The following DYTN variants were observed in gnomAD, a reference collection of about 807,000 sequenced individuals.
The protein encoded by DYTN is dystrotelin.
DYTN carries 75 observed loss-of-function variants against 69.6 expected under a neutral mutation model. The ratio of observed to expected loss-of-function variants is 1.08; its 90% CI spans 0.89 to 1.31. The LOEUF (loss-of-function observed/expected upper bound fraction) is 1.31. Among genes scored for constraint, DYTN ranks in the 50% most tolerant of loss-of-function variants. DYTN has a pLI of 0.00. For missense variants in DYTN, 726 were observed against 688.4 expected (o/e 1.05, Z -0.61); for synonymous variants, 252 against 249.1 (o/e 1.01, Z -0.11).
chr2:206,705,131 CT>C (rs1700012835), intron 4 of DYTN, 188 bp from the exon 5 acceptor site: 1 of 586,792 alleles, frequency 1.7e-6, no homozygotes, highest in Non-Finnish European at 3.0e-6. Context: ...GGTTTTGTTC[CT>C]GTTCCCCAGG....
At chr2:206,685,723 G>A (rs13399922) in intron 9 of DYTN, among the ~76,000 whole-genome samples, 13,178 of 151,938 alleles carry the variant, frequency 0.087, 1,890 homozygotes, top group African/African-American at 0.3. Context: ...CCCTGGGCAC[G>A]GGGCTCCTGC....
chr2:206,690,543 A>C (rs1392661539), intron 9 of DYTN, among the ~76,000 whole-genome samples: 1 of 152,218 alleles, frequency 6.6e-6, no homozygotes, highest in Non-Finnish European at 1.5e-5. Context: ...TTAGGAGGTC[A>C]TGTGACAATG....
chr2:206,680,015 C>T (rs9989912), intron 9 of DYTN, among the ~76,000 whole-genome samples: 13,198 of 152,196 alleles, frequency 0.087, 1,917 homozygotes, highest in African/African-American at 0.3. Context: ...GGCTGAAAGT[C>T]TGAGATCAGA....
chr2:206,698,020 G>A (rs1011208919), intron 7 of DYTN, among the ~76,000 whole-genome samples: 11 of 152,158 alleles, frequency 7.2e-5, no homozygotes, highest in African/African-American at 2.4e-4. Flanking sequence ...AGTTAATCCT[G>A]TACTCGACCT....
chr2:206,665,833 G>T, intron 10 of DYTN, 37 bp downstream of exon 10: 1 of 1,605,320 alleles, frequency 6.2e-7, no homozygotes, highest in Non-Finnish European at 8.5e-7. Flanking sequence ...TAGACTTCCA[G>T]GCAGTCCAGA....
intron 9 of DYTN, among the ~76,000 whole-genome samples, chr2:206,666,286 G>A (rs1699571794): frequency 2.0e-5 from 3 of 152,086 alleles, no homozygotes; most frequent in Admixed American, 2.0e-4. Context: ...GAGTAGCTGG[G>A]ATTACAGGTG....
At chr2:206,691,612 C>A (rs1699863710) in intron 9 of DYTN, among the ~76,000 whole-genome samples, 1 of 151,920 alleles carries the variant, frequency 6.6e-6, no homozygotes, top group Non-Finnish European at 1.5e-5. Context: ...AATTTAAATT[C>A]TATGTGCAAT....
Position 206,663,167 on chromosome 2 carries a change from C to T in DYTN, c.1369G>A (p.Glu457Lys). ...EHALRNPESPETTLHSTRAQS... is the reference protein window; with the variant it reads ...EHALRNPESPKTTLHSTRAQS... ...GCCCTGGTGCTGTGCAAAGTGGTCT[C>T]TGGTGATTCTGGATTTCGCAGAGCA... The change falls in exon 11 of 12, where the codon GAG becomes AAG. Residue 457 changes from glutamate to lysine, a missense_variant. By Grantham distance (56) the Glu-to-Lys change is moderately conservative. Transcript: ENST00000452335. 1 of 1,613,914 alleles carries T rather than the reference C, an allele frequency of 6.2e-7. No individual in the cohort carries two copies. The highest frequency in any genetic ancestry group is 8.5e-7 in the Non-Finnish European group (1 of 1,179,856).
intron 8 of DYTN, among the ~76,000 whole-genome samples, chr2:206,694,220 T>C (rs578211772): frequency 1.3e-5 from 2 of 152,372 alleles, no homozygotes; most frequent in South Asian, 4.1e-4. Context: ...TGAATTCACT[T>C]GCTAGGTATT....
intron 9 of DYTN, among the ~76,000 whole-genome samples, chr2:206,685,124 A>G (rs1013824711): frequency 6.6e-6 from 1 of 151,366 alleles, no homozygotes; most frequent in Non-Finnish European, 1.5e-5. Flanking sequence ...AAGGGCAATT[A>G]GTGTGCAAAG....
chr2:206,651,635 C>T lies in DYTN; in HGVS notation c.*183G>A, dbSNP rs535249631. On this transcript the variant is annotated 3_prime_UTR_variant, in exon 12 of 12. Transcript: ENST00000452335. ...CTCTACTCGCCCTGCTAACCCCCAA[C>T]CTTCACTCTGAACTGCAGAACTAAG... is the stretch of plus-strand genomic sequence containing the variant. The T allele has an allele frequency of 7.4e-5, 41 of 557,700 alleles. No individual in the cohort carries two copies. The highest frequency in any genetic ancestry group is 1.3e-4 in the Non-Finnish European group (40 of 306,908). The allele number at this position is 557,700 out of a possible 1,614,324, so 34.5% of individuals were successfully genotyped here.
At chr2:206,713,138 G>A (rs1350556193) in intron 1 of DYTN, among the ~76,000 whole-genome samples, 1 of 152,148 alleles carries the variant, frequency 6.6e-6, no homozygotes, top group East Asian at 1.9e-4. Context: ...AATAAATATT[G>A]TATTATTTAT....
At chr2:206,703,024 G>A (rs1699990630) in intron 5 of DYTN, among the ~76,000 whole-genome samples, 1 of 152,132 alleles carries the variant, frequency 6.6e-6, no homozygotes, top group Non-Finnish European at 1.5e-5. Context: ...TGTAATAGCA[G>A]TCAATGGGAT....
chr2:206,702,778 A>T (rs551237030), intron 5 of DYTN, among the ~76,000 whole-genome samples: 3 of 152,202 alleles, frequency 2.0e-5, no homozygotes, highest in Non-Finnish European at 4.4e-5. Context: ...AAGAAAATTC[A>T]CTTCTGTAGT....
intron 11 of DYTN, among the ~76,000 whole-genome samples, chr2:206,656,622 G>A (rs1240850840): frequency 6.6e-6 from 1 of 151,668 alleles, no homozygotes; most frequent in African/African-American, 2.4e-5. Context: ...GTGCATCTTT[G>A]ACAGCTATTA....
intron 9 of DYTN, among the ~76,000 whole-genome samples, chr2:206,676,151 C>T (rs1234862795): frequency 6.6e-6 from 1 of 152,166 alleles, no homozygotes; most frequent in Non-Finnish European, 1.5e-5. Context: ...CAGCACTATT[C>T]ACAATAGCAA....
intron 9 of DYTN, among the ~76,000 whole-genome samples, chr2:206,678,168 T>A (rs1699710694): frequency 6.6e-6 from 1 of 152,188 alleles, no homozygotes; most frequent in Non-Finnish European, 1.5e-5. Flanking sequence ...CAGGTGCTGA[T>A]GAAGGAAAAA....
chr2:206,653,006 T>C (rs952100822), intron 11 of DYTN, among the ~76,000 whole-genome samples: 1 of 152,210 alleles, frequency 6.6e-6, no homozygotes, highest in African/African-American at 2.4e-5. Flanking sequence ...GTTTACTTTA[T>C]AGCTACATAA....
chr2:206,704,899 A>C lies in DYTN; in HGVS notation c.427T>G (p.Ser143Ala), dbSNP rs116768218. 57,926 of 1,613,682 alleles carry C rather than the reference A, an allele frequency of 0.036. 1,312 individuals are homozygous for C. The highest frequency in any genetic ancestry group is 0.04 in the Non-Finnish European group (46,949 of 1,179,680). The change falls in exon 5 of 12, where the codon TCT becomes GCT. Residue 143 changes from serine (S) to alanine (A), a missense_variant. Physicochemically the swap from Ser to Ala is moderately conservative, Grantham distance 99. Coordinates refer to ENST00000452335, the MANE Select transcript of DYTN (RefSeq NM_001093730.1). ...ACCCTTCGAGTCATGCGTGGCCCAGAATCATAGCCTCCCCTGCTATTTTCT... is the reference window on the plus strand; with the variant it reads ...ACCCTTCGAGTCATGCGTGGCCCAGCATCATAGCCTCCCCTGCTATTTTCT... ...YAENSRGGYD[S>A]GPRMTRRVLR...
Sources: allele counts gnomAD v4.1 joint callset (sites outside exome capture counted in the v4.1 genomes callset), GRCh38; gene constraint gnomAD v4.1.1; transcripts MANE v1.5; gene names NCBI Gene and HGNC (gene_info 2026-07-23, HGNC 2026-07-21).